Variants in ERI1 observed in about 807,000 individuals in gnomAD.
The protein encoded by ERI1 is 3'-5' exoribonuclease 1.
Under a neutral mutation model 39.7 loss-of-function variants are expected in ERI1, and 39 were observed. The observed-to-expected ratio is 0.98, with a 90% CI of 0.76 to 1.28. The LOEUF is 1.28. Among genes scored for constraint, ERI1 ranks in the 50% most tolerant of loss-of-function variants. ERI1 has a pLI of 0.00. For synonymous variants in ERI1, 204 were observed against 149.6 expected, an observed-to-expected ratio of 1.36 and a Z score of -2.65; for missense variants, 581 against 416.9, an observed-to-expected ratio of 1.39 and a Z score of -3.43.
chr8:9,036,529 T>G (rs561270700), downstream of ERI1, among the ~76,000 whole-genome samples: 25 of 152,234 alleles, frequency 1.6e-4, no homozygotes, highest in Non-Finnish European at 3.2e-4. Flanking sequence ...TCATAGACTA[T>G]TGTTTAAATT....
chr8:9,014,789 A>G (rs184157353), intron 3 of ERI1, among the ~76,000 whole-genome samples: 34 of 152,314 alleles, frequency 2.2e-4, no homozygotes, highest in African/African-American at 8.2e-4. Flanking sequence ...GTTGCAGTGT[A>G]TCCGGTAAGA....
chr8:9,025,990 C>G (rs1818434596), intron 6 of ERI1, among the ~76,000 whole-genome samples: 1 of 152,098 alleles, frequency 6.6e-6, no homozygotes, highest in Non-Finnish European at 1.5e-5. Context: ...GCAGAACTGT[C>G]ACTGTCTCAG....
At chr8:9,091,501 C>G (rs1662086997) in intron 3 of ERI1, 1 of 125,836 alleles carries the variant, frequency 7.9e-6, no homozygotes, top group Admixed American at 7.4e-5. Context: ...GAGCGAGACT[C>G]TGTCTCAAAA....
At chr8:9,029,197 A>T (rs1241378127) in intron 6 of ERI1, among the ~76,000 whole-genome samples, 2 of 152,124 alleles carry the variant, frequency 1.3e-5, no homozygotes, top group Non-Finnish European at 2.9e-5. Context: ...TAGATCTTCA[A>T]CTTACATGTC....
downstream of ERI1, among the ~76,000 whole-genome samples, chr8:9,033,865 A>G (rs1585245126): frequency 7.4e-6 from 1 of 134,618 alleles, no homozygotes; most frequent in South Asian, 2.2e-4. Context: ...ATCTTCCTGT[A>G]TGGTTTAAAC....
rs1236148112 is a variant in ERI1 at position 9,026,383 on chromosome 8, G to T, written c.808-3409G>T. The stretch of plus-strand genomic sequence containing the variant: ...ATTCCAAAAGTGAAACTCTGTGCCT[G>T]TTGAACTTCCCCTTCCTGCCAAACC... On this transcript the variant is annotated intron_variant, in intron 6 of 6. Coordinates refer to ENST00000250263, the MANE Select transcript of ERI1 (RefSeq NM_153332.4). Among the ~76,000 whole-genome samples, 5 of 152,146 alleles carry T rather than the reference G, an allele frequency of 3.3e-5. No individual in the cohort carries two copies. The East Asian group carries it at 7.7e-4, about 23-fold the overall frequency.
At chr8:9,036,340 G>A (rs1797844501), downstream of ERI1, among the ~76,000 whole-genome samples, 1 of 152,192 alleles carries the variant, frequency 6.6e-6, no homozygotes, top group African/African-American at 2.4e-5. Context: ...AACTGCCACA[G>A]CCACTCCAAT....
intron 3 of ERI1, among the ~76,000 whole-genome samples, chr8:9,093,009 G>A (rs73520793): frequency 0.035 from 5,394 of 152,246 alleles, 286 homozygotes; most frequent in African/African-American, 0.12. Context: ...TCACGTTCAC[G>A]TGCTGCTTTC....
At chr8:9,084,014 C>T (rs928013379) in intron 3 of ERI1, among the ~76,000 whole-genome samples, 6 of 152,218 alleles carry the variant, frequency 3.9e-5, no homozygotes, top group East Asian at 3.9e-4. Flanking sequence ...AGGATGGTCT[C>T]GATCTCCTGA....
In ERI1 at chr8:9,016,318, G is replaced by T. The variant is rs1240048903; in HGVS notation, c.499-4G>T. On this transcript the variant is annotated splice_polypyrimidine_tract_variant and splice_region_variant and intron_variant, in intron 3 of 6. Transcript: ENST00000250263. ...TACTTTAACTTGCTATCCTTCCCTT[G>T]CAGGAAGACACGTTTCAGCAGTATG... is the stretch of plus-strand genomic sequence containing the variant. The T allele has an allele frequency of 6.3e-7, 1 of 1,580,108 alleles. No individual in the cohort carries two copies.
chr8:9,010,814 C>T (rs964274219), intron 2 of ERI1, among the ~76,000 whole-genome samples: 2 of 152,158 alleles, frequency 1.3e-5, no homozygotes, highest in African/African-American at 4.8e-5. Context: ...TTTCTCTCCT[C>T]CCCACTACTC....
At chr8:9,020,488 T>C (rs756956573) in intron 6 of ERI1, 24 bp downstream of exon 6, 10 of 1,377,108 alleles carry the variant, frequency 7.3e-6, no homozygotes, top group Non-Finnish European at 1.0e-5. Flanking sequence ...ATTTAATAAT[T>C]ACGTGGTTCT....
chr8:9,070,730 G>A (rs1027193147), intron 3 of ERI1, among the ~76,000 whole-genome samples: 2 of 152,366 alleles, frequency 1.3e-5, no homozygotes, highest in Middle Eastern at 3.4e-3. Flanking sequence ...TTTGGCGTCT[G>A]AAAGAATCTG....
intron 3 of ERI1, among the ~76,000 whole-genome samples, chr8:9,084,156 G>C (rs1421679432): frequency 6.6e-6 from 1 of 152,076 alleles, no homozygotes; most frequent in African/African-American, 2.4e-5. Context: ...CAGCTACTTG[G>C]GAGGCTGAGG....
rs1406067747 is a variant in ERI1 at position 9,003,148 on chromosome 8, G to T, written c.85G>T (p.Glu29Ter). 1 of 1,244,242 alleles carries T rather than the reference G, an allele frequency of 8.0e-7. No individual in the cohort carries two copies. Among genetic ancestry groups the T allele is most frequent in the Non-Finnish European group, 1.0e-6 (1 of 990,966 alleles). 77.1% of individuals were successfully genotyped at this position (1,244,242 alleles called of 1,614,324 possible). A position where few individuals can be genotyped will look rare whatever the true frequency, so the allele number is the denominator to read the frequency against. ...GTCGCCGCGGCCGGAGGGCGGGGAG[G>T]AGCCGCCGCGTCCCAGTCCCGAGGT... The part of the protein sequence containing the change: ...LESPRPEGGE[E>*]PPRPSPEETQ... The change falls in exon 1 of 7, where the codon GAG becomes TAG. Residue 29 changes from glutamate (E) to a stop codon, truncating the protein, a stop_gained. Coordinates refer to ENST00000250263, the MANE Select transcript of ERI1 (RefSeq NM_153332.4). LOFTEE classifies it high-confidence loss of function.
chr8:9,003,214 C>T (rs772130293), intron 1 of ERI1, 43 bp downstream of exon 1: 27 of 1,189,412 alleles, frequency 2.3e-5, no homozygotes, highest in African/African-American at 2.2e-4. Flanking sequence ...CCAGCTGCCC[C>T]GTCCCCAAAG....
rs1329222785 is a variant in ERI1 at position 9,031,514 on chromosome 8, T to G, written c.*1480T>G. ...CAGTTAACTCTTAGGATAAGAGGGA[T>G]GTATGCTGAGATGTTTGTGCATCCC... On this transcript the variant is annotated 3_prime_UTR_variant, in exon 7 of 7. Coordinates refer to ENST00000250263, the MANE Select transcript of ERI1 (RefSeq NM_153332.4). 6.6e-6 allele frequency: 1 copy of G among 152,226 alleles called. No homozygotes were observed. The highest frequency in any genetic ancestry group is 1.5e-5 in the Non-Finnish European group (1 of 68,036). 9.4% of individuals were successfully genotyped at this position (152,226 alleles called of 1,614,324 possible).
At chr8:9,010,662 T>A (rs1174733999) in intron 2 of ERI1, among the ~76,000 whole-genome samples, 2 of 152,214 alleles carry the variant, frequency 1.3e-5, no homozygotes, top group Non-Finnish European at 2.9e-5. Context: ...TTTACTTCCA[T>A]TTCATATTTG....
chr8:9,027,898 A>G (rs900293612), intron 6 of ERI1, among the ~76,000 whole-genome samples: 6 of 152,318 alleles, frequency 3.9e-5, no homozygotes, highest in Middle Eastern at 3.4e-3. Context: ...ATGTTGAGCC[A>G]TCCTTGCATT....
Sources: gnomAD v4.1 joint callset for allele counts (sites outside exome capture counted in the v4.1 genomes callset) on GRCh38, gnomAD v4.1.1 for gene constraint, MANE v1.5 for transcripts, NCBI Gene and HGNC (gene_info 2026-07-23, HGNC 2026-07-21) for gene names.